Variants in OTOGL observed in about 807,000 individuals in gnomAD.
OTOGL encodes the protein otogelin like.
Under a neutral mutation model 318.5 loss-of-function variants are expected in OTOGL, and 285 were observed. The observed-to-expected ratio is 0.89, with a 90% CI of 0.81 to 0.99. OTOGL has a LOEUF of 0.99. Ranked by LOEUF, OTOGL falls within the 50% of genes least tolerant of loss-of-function variation. The pLI is 0.00. For synonymous variants in OTOGL, 987 were observed against 936.5 expected (o/e 1.05, Z -0.99); for missense variants, 2,899 against 2,845.6 (o/e 1.02, Z -0.43).
rs752187466 is a variant in OTOGL at position 80,166,081 on chromosome 12, C to T, written c.-19-43332C>T. Among the ~76,000 whole-genome samples the T allele has an allele frequency of 4.1e-4, 63 of 151,958 alleles. 1 individual carries two copies. The highest frequency in any genetic ancestry group is 7.9e-4 in the Admixed American group (12 of 15,240). On this transcript the variant is annotated intron_variant, in intron 1 of 58. Coordinates refer to ENST00000547103, the MANE Select transcript of OTOGL (RefSeq NM_001378609.3). ...TAAATATATATTTTCATACATTTTCCTTTTTGTTTGCAAGATGCTTTTTAT... is the reference window on the plus strand; with the variant it reads ...TAAATATATATTTTCATACATTTTCTTTTTTGTTTGCAAGATGCTTTTTAT...
intron 1 of OTOGL, among the ~76,000 whole-genome samples, chr12:80,182,970 G>GA (rs1199597363): frequency 6.6e-6 from 1 of 152,200 alleles, no homozygotes; most frequent in East Asian, 1.9e-4. Flanking sequence ...GTACAAATTA[G>GA]AAAAGAGTAC....
At chr12:80,157,044 T>A (rs1873170188) in intron 1 of OTOGL, among the ~76,000 whole-genome samples, 1 of 152,174 alleles carries the variant, frequency 6.6e-6, no homozygotes, top group South Asian at 2.1e-4. Context: ...TGTACTGATT[T>A]ACATTCTCAC....
At chr12:80,146,879 G>C (rs905701773) in intron 1 of OTOGL, among the ~76,000 whole-genome samples, 2 of 151,314 alleles carry the variant, frequency 1.3e-5, no homozygotes, top group Admixed American at 1.3e-4. Flanking sequence ...ATGGTAGTTT[G>C]TATTTCTGTG....
intron 57 of OTOGL, among the ~76,000 whole-genome samples, chr12:80,376,831 T>C (rs530078576): frequency 6.6e-5 from 10 of 152,226 alleles, no homozygotes; most frequent in Non-Finnish European, 1.2e-4. Flanking sequence ...GTTAGCATTA[T>C]TACATGTGTG....
chr12:80,330,452 G>A (rs191202769), intron 37 of OTOGL, among the ~76,000 whole-genome samples: 2 of 152,248 alleles, frequency 1.3e-5, no homozygotes, highest in Non-Finnish European at 2.9e-5. Flanking sequence ...GAGGTACTTC[G>A]CCTACATCAT....
intron 1 of OTOGL, among the ~76,000 whole-genome samples, chr12:80,127,839 T>C (rs1870955467): frequency 6.6e-6 from 1 of 152,228 alleles, no homozygotes; most frequent in Non-Finnish European, 1.5e-5. Flanking sequence ...AGTCAGCTAC[T>C]GAGGCTTGTG....
intron 48 of OTOGL, 42 bp from the exon 49 acceptor site, chr12:80,356,764 TA>T: frequency 8.1e-7 from 1 of 1,239,352 alleles, no homozygotes; most frequent in Non-Finnish European, 1.1e-6. Flanking sequence ...GTCATTTTTT[TA>T]TTATGCTATA....
intron 34 of OTOGL, 142 bp downstream of exon 34, chr12:80,320,842 A>C: frequency 1.3e-6 from 1 of 752,784 alleles, no homozygotes; most frequent in Non-Finnish European, 2.1e-6. Context: ...CTTAACCTCT[A>C]TACCCCTCTA....
chr12:80,127,780 T>C (rs1169055946), intron 1 of OTOGL, among the ~76,000 whole-genome samples: 1 of 152,230 alleles, frequency 6.6e-6, no homozygotes, highest in Non-Finnish European at 1.5e-5. Flanking sequence ...TTTGCTTCAT[T>C]TCATTTATTT....
chr12:80,164,929 GA>G (rs570289033), intron 1 of OTOGL, among the ~76,000 whole-genome samples: 103 of 152,120 alleles, frequency 6.8e-4, no homozygotes, highest in African/African-American at 2.2e-3. Flanking sequence ...TGTAGAGGAG[GA>G]AAAAAGGGGA....
rs368904472 is a variant in OTOGL at position 80,367,847 on chromosome 12, A to G, written c.6510+108A>G. On this transcript the variant is annotated intron_variant, in intron 54 of 58. Transcript: ENST00000547103. The stretch of plus-strand genomic sequence containing the variant: ...TCCATTAGTTTAAAATATATATTAT[A>G]TAGTTCTTCAATAGTCTACTATTTT... 29 of 735,050 alleles carry G rather than the reference A, an allele frequency of 3.9e-5. No individual in the cohort carries two copies. In the East Asian group the frequency reaches 4.7e-4, roughly 12 times the overall value. 45.5% of individuals were successfully genotyped at this position (735,050 alleles called of 1,614,324 possible). A position where few individuals can be genotyped will look rare whatever the true frequency, so the allele number is the denominator to read the frequency against.
rs575471368 is a variant in OTOGL, at chr12:80,372,163, A to G, written c.6781+99A>G. 72 of 749,908 alleles carry G rather than the reference A, an allele frequency of 9.6e-5. 1 individual carries two copies. The South Asian group carries it at 1.1e-3, about 11-fold the overall frequency. The allele number at this position is 749,908 out of a possible 1,614,324, so 46.5% of individuals were successfully genotyped here. ...CACAAAATTCAATTCCTATGATGCAAAGAGAGAAACAAATTTTATAAAATA... is the reference window on the plus strand; with the variant it reads ...CACAAAATTCAATTCCTATGATGCAGAGAGAGAAACAAATTTTATAAAATA... On this transcript the variant is annotated intron_variant, in intron 57 of 58. Transcript: ENST00000547103.
chr12:80,147,654 G>A (rs1332030688), intron 1 of OTOGL, among the ~76,000 whole-genome samples: 1 of 151,970 alleles, frequency 6.6e-6, no homozygotes, highest in Non-Finnish European at 1.5e-5. Context: ...TGACAGTGGG[G>A]TGTTAAAGTC....
intron 1 of OTOGL, among the ~76,000 whole-genome samples, chr12:80,154,270 C>T (rs1003358514): frequency 1.3e-5 from 2 of 152,046 alleles, no homozygotes; most frequent in Non-Finnish European, 2.9e-5. Flanking sequence ...GATCATGCCA[C>T]TGCACTCCAG....
intron 58 of OTOGL, 51 bp from the exon 59 acceptor site, chr12:80,377,797 C>G: frequency 7.4e-7 from 1 of 1,353,668 alleles, no homozygotes; most frequent in Non-Finnish European, 1.0e-6. Flanking sequence ...CAAATAATAA[C>G]CAGTACTTTT....
rs543690045 is a variant in OTOGL, at chr12:80,263,696, T to A, written c.2015-1305T>A. On this transcript the variant is annotated intron_variant, in intron 19 of 58. Transcript: ENST00000547103. Reference sequence around the variant, plus strand: ...TTTGCCATGAACTGTGATTTTTTTTTAAAAAAATTCAAATAGGTAAATTCA... The same window carrying A: ...TTTGCCATGAACTGTGATTTTTTTTAAAAAAAATTCAAATAGGTAAATTCA... Among the ~76,000 whole-genome samples, 312 of 150,938 alleles carry A rather than the reference T, an allele frequency of 2.1e-3. 1 individual carries two copies. Among genetic ancestry groups the A allele is most frequent in the African/African-American group, 7.0e-3 (284 of 40,698 alleles).
At chr12:80,295,090 C>A (rs1173482923) in intron 26 of OTOGL, among the ~76,000 whole-genome samples, 1 of 150,780 alleles carries the variant, frequency 6.6e-6, no homozygotes, top group Non-Finnish European at 1.5e-5. Context: ...CAGGGCAAGA[C>A]CCCATCTGAA....
chr12:80,123,738 T>C (rs1182648225), intron 1 of OTOGL, among the ~76,000 whole-genome samples: 1 of 152,132 alleles, frequency 6.6e-6, no homozygotes, highest in African/African-American at 2.4e-5. Flanking sequence ...TTCTAACTGG[T>C]GTGAGATGGT....
rs963950960 is a variant in OTOGL at position 80,265,300 on chromosome 12, G to A, written c.2224+90G>A. ...ACTGCTTTTATTTTTTAAATGAAAT[G>A]TCAATATTGCATGTAAGTTATTTGA... is the stretch of plus-strand genomic sequence containing the variant. On this transcript the variant is annotated intron_variant, in intron 20 of 58. Transcript: ENST00000547103. 4.4e-5 allele frequency: 54 copies of A among 1,220,346 alleles called. No individual in the cohort carries two copies. In the African/African-American group the frequency reaches 8.2e-4, roughly 19 times the overall value. The allele number at this position is 1,220,346 out of a possible 1,614,324, so 75.6% of individuals were successfully genotyped here.
Sources: gnomAD v4.1 joint callset for allele counts (sites outside exome capture counted in the v4.1 genomes callset) on GRCh38, gnomAD v4.1.1 for gene constraint, MANE v1.5 for transcripts, NCBI Gene and HGNC (gene_info 2026-07-23, HGNC 2026-07-21) for gene names.